The following SDC2 variants were observed in gnomAD, a reference collection of about 807,000 sequenced individuals.
SDC2 encodes the protein syndecan-2.
In SDC2, 13 loss-of-function variants were observed where a neutral mutation model predicts 22.2. That is an observed-to-expected ratio of 0.59 (90% CI 0.38 to 0.93). The LOEUF is 0.93. SDC2 is among the 40% of genes least tolerant of loss of function. The probability of loss-of-function intolerance (pLI) is 0.00; values close to 1 mark genes in which losing one functional copy is unlikely to be tolerated. For missense variants in SDC2, 235 were observed against 246.8 expected (o/e 0.95, Z 0.32); for synonymous variants, 94 against 92.8 (o/e 1.01, Z -0.07).
chr8:96,554,089 C>T (rs1814070361), intron 1 of SDC2, among the ~76,000 whole-genome samples: 1 of 152,076 alleles, frequency 6.6e-6, no homozygotes, highest in Admixed American at 6.6e-5. Flanking sequence ...CTGTACCCGG[C>T]CTAATTTTAT....
At chr8:96,604,345 G>C (rs10097316) in intron 3 of SDC2, among the ~76,000 whole-genome samples, 28,479 of 152,026 alleles carry the variant, frequency 0.19, 3,159 homozygotes, top group African/African-American at 0.31. Context: ...AAAAATTAAG[G>C]AGCCCAAAAG....
At chr8:96,544,217 G>A (rs528919208) in intron 1 of SDC2, among the ~76,000 whole-genome samples, 2 of 152,230 alleles carry the variant, frequency 1.3e-5, no homozygotes, top group East Asian at 3.9e-4. Flanking sequence ...TGGGCTAATT[G>A]GATGTGTACT....
chr8:96,548,702 A>G (rs1412970747), intron 1 of SDC2, among the ~76,000 whole-genome samples: 1 of 152,206 alleles, frequency 6.6e-6, no homozygotes. Context: ...AGGAGCTCCT[A>G]GAAGTAGCTG....
intron 1 of SDC2, among the ~76,000 whole-genome samples, chr8:96,523,153 A>C (rs1046642622): frequency 1.3e-5 from 2 of 152,168 alleles, no homozygotes; most frequent in African/African-American, 4.8e-5. Flanking sequence ...TTTCTTTAAA[A>C]TCTTTTTTCC....
intron 1 of SDC2, among the ~76,000 whole-genome samples, chr8:96,534,508 C>G (rs927754924): frequency 6.6e-6 from 1 of 152,150 alleles, no homozygotes; most frequent in Non-Finnish European, 1.5e-5. Flanking sequence ...GATGATAACT[C>G]ACTGTAACTT....
chr8:96,525,730 T>G (rs1264607505), intron 1 of SDC2, among the ~76,000 whole-genome samples: 1 of 152,160 alleles, frequency 6.6e-6, no homozygotes, highest in East Asian at 1.9e-4. Context: ...AGGGCATCTC[T>G]TAATTTGTTG....
chr8:96,562,582 T>C (rs1186879169), intron 1 of SDC2, among the ~76,000 whole-genome samples: 2 of 152,190 alleles, frequency 1.3e-5, no homozygotes, highest in East Asian at 3.8e-4. Context: ...CATTTTCTCC[T>C]CTTGTGCAGG....
Position 96,494,323 on chromosome 8 carries a change from G to A in SDC2, c.52G>A (p.Ala18Thr). 6.5e-7 allele frequency: 1 copy of A among 1,543,304 alleles called. No homozygotes were observed. The highest frequency in any genetic ancestry group is 8.7e-7 in the Non-Finnish European group (1 of 1,148,698). The part of the protein sequence containing the change: ...LTLGLVACVS[A>T]ESRAELTSDK... ...CTTGGGCTTGGTGGCCTGCGTGTCGGCGGAGTCGGTGAGTGGGCCAGGCGG... is the reference window on the plus strand; with the variant it reads ...CTTGGGCTTGGTGGCCTGCGTGTCGACGGAGTCGGTGAGTGGGCCAGGCGG... Residue 18 changes from alanine to threonine, a missense_variant, in exon 1 of 5, where the codon GCG becomes ACG. By Grantham distance (58) the Ala-to-Thr change is moderately conservative (BLOSUM62 0). Coordinates refer to ENST00000302190, the MANE Select transcript of SDC2 (RefSeq NM_002998.4).
At chr8:96,498,690 C>T (rs1478175719) in intron 1 of SDC2, among the ~76,000 whole-genome samples, 18 of 152,246 alleles carry the variant, frequency 1.2e-4, no homozygotes, top group Middle Eastern at 3.4e-3. Flanking sequence ...GGGGTTTCAA[C>T]GTGTTGGCCA....
rs200002285 is a variant in SDC2 at position 96,494,236 on chromosome 8, C to T, written c.-36C>T. 1 of 1,539,534 alleles carries T rather than the reference C, an allele frequency of 6.5e-7. No individual in the cohort carries two copies. Among genetic ancestry groups the T allele is most frequent in the Non-Finnish European group, 8.7e-7 (1 of 1,145,630 alleles). ...AGGAGGCTTCGTTTTGCCCTGGTTG[C>T]AAGCAGCGGCTGGGAGCAGCCGGTC... is the stretch of plus-strand genomic sequence containing the variant. On this transcript the variant is annotated 5_prime_UTR_variant, in exon 1 of 5. Coordinates refer to ENST00000302190, the MANE Select transcript of SDC2 (RefSeq NM_002998.4).
intron 1 of SDC2, among the ~76,000 whole-genome samples, chr8:96,502,784 A>G (rs1458577540): frequency 6.6e-6 from 1 of 152,176 alleles, no homozygotes; most frequent in Non-Finnish European, 1.5e-5. Flanking sequence ...AATATCCTAA[A>G]ATAAGTTTTT....
rs35998270 is a variant in SDC2 at position 96,501,295 on chromosome 8, CTTTTTTTTTTTT to C, written c.60+6982_60+6993del. Among the ~76,000 whole-genome samples the C allele has an allele frequency of 1.7e-3, 92 of 55,162 alleles. 1 individual carries two copies. Among genetic ancestry groups the C allele is most frequent in the South Asian group, 0.011 (15 of 1,306 alleles). 36.2% of individuals were successfully genotyped at this position (55,162 alleles called of 152,430 possible). ...TAAGGGAAAAGTTAAATACGTATTT[CTTTTTTTTTTTT>C]TTTTTTTTTTTTTTTTTGAGACAGA... On this transcript the variant is annotated intron_variant, in intron 1 of 4. Transcript: ENST00000302190.
intron 1 of SDC2, among the ~76,000 whole-genome samples, chr8:96,517,351 C>T (rs777631219): frequency 6.6e-6 from 1 of 152,122 alleles, no homozygotes; most frequent in Non-Finnish European, 1.5e-5. Flanking sequence ...TCAAACTTAT[C>T]AGTTTTTTTC....
intron 1 of SDC2, among the ~76,000 whole-genome samples, chr8:96,556,670 C>G (rs1385964878): frequency 2.0e-5 from 3 of 151,934 alleles, no homozygotes; most frequent in African/African-American, 7.3e-5. Flanking sequence ...CCATAAAAAC[C>G]CTAGAAGAAA....
At chr8:96,590,825 A>T (rs902658373) in intron 1 of SDC2, among the ~76,000 whole-genome samples, 1 of 152,174 alleles carries the variant, frequency 6.6e-6, no homozygotes, top group African/African-American at 2.4e-5. Flanking sequence ...ACCCTGGATC[A>T]CAGAGAAACA....
At chr8:96,533,956 G>A (rs147240951) in intron 1 of SDC2, among the ~76,000 whole-genome samples, 4,631 of 152,276 alleles carry the variant, frequency 0.03, 236 homozygotes, top group African/African-American at 0.1. Flanking sequence ...CCTGCCCCGC[G>A]GGGAGGCAGC....
At chr8:96,575,880 CAAGTAGCTCTGAT>C (rs1169027085) in intron 1 of SDC2, among the ~76,000 whole-genome samples, 2 of 152,170 alleles carry the variant, frequency 1.3e-5, no homozygotes, top group Middle Eastern at 3.2e-3. Context: ...AAAGAGTTTG[CAAGTAGCTCTGAT>C]AAGGAAGTTC....
At chr8:96,536,156 C>G (rs963430753) in intron 1 of SDC2, among the ~76,000 whole-genome samples, 4 of 147,226 alleles carry the variant, frequency 2.7e-5, no homozygotes, top group Non-Finnish European at 6.0e-5. Flanking sequence ...TTTTTTTTTC[C>G]TTTTGTTTCT....
At position 96,610,747 on chromosome 8, in the gene SDC2, TCA is replaced by T. The variant is rs956483289; in HGVS notation, c.*1202_*1203del. 1.3e-5 allele frequency: 2 copies of T among 152,640 alleles called. No individual in the cohort carries two copies. The highest frequency in any genetic ancestry group is 2.4e-5 in the African/African-American group (1 of 41,446). 9.5% of individuals were successfully genotyped at this position (152,640 alleles called of 1,614,324 possible). A position where few individuals can be genotyped will look rare whatever the true frequency, so the allele number is the denominator to read the frequency against. Reference sequence around the variant, plus strand: ...GACGTGGGTTTGATTTCTAAGTGTTTCACAGTGTCTGTAAATCAAGACCAAAG... The same window carrying T: ...GACGTGGGTTTGATTTCTAAGTGTTTCAGTGTCTGTAAATCAAGACCAAAG... On this transcript the variant is annotated 3_prime_UTR_variant, in exon 5 of 5. Coordinates refer to ENST00000302190, the MANE Select transcript of SDC2 (RefSeq NM_002998.4).
Sources: gnomAD v4.1 joint callset for allele counts (sites outside exome capture counted in the v4.1 genomes callset) on GRCh38, gnomAD v4.1.1 for gene constraint, MANE v1.5 for transcripts, NCBI Gene and HGNC (gene_info 2026-07-23, HGNC 2026-07-21) for gene names.